ARSG: variants seen among roughly 807,000 people sequenced by gnomAD.
ARSG encodes ASG.
ARSG carries 37 observed loss-of-function variants against 50.5 expected under a neutral mutation model. The ratio of observed to expected loss-of-function variants is 0.73; its 90% CI spans 0.56 to 0.96. The LOEUF is 0.96. ARSG is among the 50% of genes least tolerant of loss of function. The pLI, the probability that ARSG is intolerant of heterozygous loss-of-function variation, is 0.00. For synonymous variants in ARSG, 225 were observed against 254.6 expected, an observed-to-expected ratio of 0.88 and a Z score of 1.11; for missense variants, 629 against 675.3, an observed-to-expected ratio of 0.93 and a Z score of 0.76.
At chr17:68,360,105 A>T (rs1306567508) in intron 6 of ARSG, among the ~76,000 whole-genome samples, 1 of 152,184 alleles carries the variant, frequency 6.6e-6, no homozygotes, top group East Asian at 1.9e-4. Flanking sequence ...TAGGGCCTGG[A>T]CATCCACCCG....
intron 2 of ARSG, among the ~76,000 whole-genome samples, chr17:68,328,405 C>T (rs987850347): frequency 6.6e-6 from 1 of 152,186 alleles, no homozygotes; most frequent in Non-Finnish European, 1.5e-5. Flanking sequence ...GATTGAGTTA[C>T]CTGTCTAGTC....
intron 9 of ARSG, among the ~76,000 whole-genome samples, chr17:68,394,081 A>G (rs2081122666): frequency 6.6e-6 from 1 of 151,966 alleles, no homozygotes; most frequent in Non-Finnish European, 1.5e-5. Flanking sequence ...TGTTCATGTC[A>G]GAACAAAATC....
At chr17:68,427,423 C>A (rs1317734147), downstream of ARSG, 6 of 478,988 alleles carry the variant, frequency 1.3e-5, no homozygotes, top group Non-Finnish European at 2.2e-5. Context: ...GTGGCGCAAT[C>A]TCGGCTCACT....
At chr17:68,398,303 A>G (rs1311064256) in intron 10 of ARSG, among the ~76,000 whole-genome samples, 2 of 152,234 alleles carry the variant, frequency 1.3e-5, no homozygotes, top group Non-Finnish European at 2.9e-5. Context: ...ACATGCATGC[A>G]CACACATACA....
At chr17:68,328,817 G>A (rs750380999) in intron 2 of ARSG, among the ~76,000 whole-genome samples, 2 of 152,132 alleles carry the variant, frequency 1.3e-5, no homozygotes, top group East Asian at 1.9e-4. Context: ...AGCCAGTGTC[G>A]ATGCAGGCTA....
chr17:68,344,146 G>A (rs2078400507), intron 3 of ARSG, among the ~76,000 whole-genome samples: 1 of 152,144 alleles, frequency 6.6e-6, no homozygotes, highest in Non-Finnish European at 1.5e-5. Flanking sequence ...GCCATCCAGC[G>A]ACTTTAGGCC....
chr17:68,444,218 ACCTTACGTG>A, the ARSG span, among the ~76,000 whole-genome samples: 1 of 152,150 alleles, frequency 6.6e-6, no homozygotes, highest in Non-Finnish European at 1.5e-5. Flanking sequence ...TTACATGTCT[ACCTTACGTG>A]CCTTGACACA....
At chr17:68,300,575 G>A (rs1371618828) in intron 1 of ARSG, among the ~76,000 whole-genome samples, 1 of 152,112 alleles carries the variant, frequency 6.6e-6, no homozygotes, top group Non-Finnish European at 1.5e-5. Flanking sequence ...GAGGAAAGAC[G>A]TTATTCAGAG....
At chr17:68,324,462 C>T (rs1019746610) in intron 2 of ARSG, among the ~76,000 whole-genome samples, 8 of 152,192 alleles carry the variant, frequency 5.3e-5, no homozygotes, top group South Asian at 2.1e-4. Flanking sequence ...TCCTGCGGAC[C>T]GGCCCAGCTC....
downstream of ARSG, among the ~76,000 whole-genome samples, chr17:68,423,440 C>G (rs1019129241): frequency 7.9e-5 from 12 of 152,190 alleles, no homozygotes. This position sits in a 1 kb window ranked among gnomAD's most constrained non-coding sequence, Gnocchi z 4.4. Flanking sequence ...GGCTGGAGGG[C>G]AGACTGAGAG....
chr17:68,302,075 C>A (rs2076439472), intron 1 of ARSG, among the ~76,000 whole-genome samples: 1 of 152,142 alleles, frequency 6.6e-6, no homozygotes, highest in South Asian at 2.1e-4. Context: ...TCATTTACGG[C>A]TGTATGCACT....
chr17:68,385,724 G>A (rs111860402), intron 9 of ARSG, among the ~76,000 whole-genome samples: 2 of 152,138 alleles, frequency 1.3e-5, no homozygotes, highest in African/African-American at 4.8e-5. Flanking sequence ...AAAGGCGGCA[G>A]CAGCAGCATC....
At chr17:68,321,973 A>C (rs1054847064) in intron 2 of ARSG, among the ~76,000 whole-genome samples, 1 of 152,156 alleles carries the variant, frequency 6.6e-6, no homozygotes, top group African/African-American at 2.4e-5. Context: ...GGGGGAAAAA[A>C]GGTGACGTGC....
chr17:68,334,725 C>T (rs2077935806), intron 2 of ARSG, among the ~76,000 whole-genome samples: 1 of 152,066 alleles, frequency 6.6e-6, no homozygotes, highest in Non-Finnish European at 1.5e-5. Context: ...GAGCTGGAGT[C>T]ACCGGCCAGA....
chr17:68,259,838 C>A (rs1403678902), intron 1 of ARSG, among the ~76,000 whole-genome samples: 2 of 152,128 alleles, frequency 1.3e-5, no homozygotes, highest in Non-Finnish European at 2.9e-5. Flanking sequence ...AGACCAGTAC[C>A]CAACTCTAGT....
intron 1 of ARSG, among the ~76,000 whole-genome samples, chr17:68,292,518 C>G (rs2076048537): frequency 6.6e-6 from 1 of 152,136 alleles, no homozygotes; most frequent in South Asian, 2.1e-4. Context: ...GGAAACTGCT[C>G]GGAAGCAAAG....
At chr17:68,260,349 T>C (rs1273277399) in intron 1 of ARSG, among the ~76,000 whole-genome samples, 2 of 152,174 alleles carry the variant, frequency 1.3e-5, no homozygotes, top group South Asian at 2.1e-4. Flanking sequence ...TAACCATTTT[T>C]CCCCCGGGTT....
intron 2 of ARSG, among the ~76,000 whole-genome samples, chr17:68,309,421 G>A (rs1036076157): frequency 1.3e-4 from 20 of 152,222 alleles, no homozygotes; most frequent in African/African-American, 4.3e-4. Context: ...CAGAGGAGGC[G>A]CCGAGAGCGA....
chr17:68,414,625 G>T (rs933380051), intron 11 of ARSG, among the ~76,000 whole-genome samples: 1 of 152,170 alleles, frequency 6.6e-6, no homozygotes, highest in Admixed American at 6.5e-5. Flanking sequence ...TGAATGTCTG[G>T]TGGAATTCTG....
Sources: gnomAD v4.1 joint callset for allele counts (sites outside exome capture counted in the v4.1 genomes callset) on GRCh38, gnomAD v4.1.1 for gene constraint, Gnocchi (gnomAD v3.1) non-coding constraint, MANE v1.5 for transcripts, NCBI Gene and HGNC (gene_info 2026-07-23, HGNC 2026-07-21) for gene names.